The following TP63 variants were observed in gnomAD, a reference collection of about 807,000 sequenced individuals.
The protein encoded by TP63 is tumor protein 63.
In TP63, 17 loss-of-function variants were observed where a neutral mutation model predicts 82.8. The ratio of observed to expected loss-of-function variants is 0.21; its 90% CI spans 0.14 to 0.31. The LOEUF is 0.31. Ranked by LOEUF, TP63 falls within the 10% of genes least tolerant of loss-of-function variation. The pLI, the probability that TP63 is intolerant of heterozygous loss-of-function variation, is 1.00. For synonymous variants in TP63, 330 were observed against 321.7 expected, an observed-to-expected ratio of 1.03 and a Z score of -0.28; for missense variants, 648 against 895.3, an observed-to-expected ratio of 0.72 and a Z score of 3.52.
intron 1 of TP63, among the ~76,000 whole-genome samples, chr3:189,677,591 C>A (rs1715554302): frequency 6.6e-6 from 1 of 151,500 alleles, no homozygotes; most frequent in South Asian, 2.1e-4. Flanking sequence ...ATAATGATTT[C>A]TTTTCCTTTG....
intron 10 of TP63, among the ~76,000 whole-genome samples, chr3:189,878,750 T>C (rs1719560792): frequency 6.9e-6 from 1 of 145,014 alleles, no homozygotes; most frequent in African/African-American, 2.6e-5. Context: ...TTGAATTTCA[T>C]AGTTATGAAG....
At chr3:189,844,328 C>T (rs557160492) in intron 4 of TP63, 25 of 407,330 alleles carry the variant, frequency 6.1e-5, no homozygotes, top group African/African-American at 2.3e-4. Context: ...CGCGCCACCA[C>T]GCCCAGCTAA....
chr3:189,720,445 T>G (rs143930097), intron 1 of TP63, among the ~76,000 whole-genome samples: 22 of 152,256 alleles, frequency 1.4e-4, no homozygotes, highest in African/African-American at 5.3e-4. Flanking sequence ...TCCAATAACT[T>G]TAGATAGTGC....
intron 4 of TP63, among the ~76,000 whole-genome samples, chr3:189,859,247 T>A (rs900008977): frequency 3.9e-5 from 6 of 152,186 alleles, no homozygotes; most frequent in Non-Finnish European, 7.4e-5. Flanking sequence ...TATGTACAAT[T>A]CTTTTGTATC....
intron 13 of TP63, 50 bp from the exon 14 acceptor site, chr3:189,894,156 C>A (rs751876559): frequency 6.2e-7 from 1 of 1,610,190 alleles, no homozygotes; most frequent in Non-Finnish European, 8.5e-7. Context: ...ACTAAATGTC[C>A]GTTTTTCTCC....
intron 1 of TP63, among the ~76,000 whole-genome samples, chr3:189,716,954 G>A (rs572341339): frequency 2.0e-5 from 3 of 151,932 alleles, no homozygotes; most frequent in East Asian, 3.9e-4. Flanking sequence ...GATTGCCACC[G>A]CACCCAGCTA....
chr3:189,783,155 G>A (rs540738052), intron 3 of TP63, among the ~76,000 whole-genome samples: 6 of 151,920 alleles, frequency 3.9e-5, no homozygotes, highest in African/African-American at 9.6e-5. Flanking sequence ...TAACTATGTA[G>A]CAGTTTAATT....
intron 3 of TP63, among the ~76,000 whole-genome samples, chr3:189,784,743 A>G (rs1560181231): frequency 2.0e-5 from 3 of 152,066 alleles, no homozygotes; most frequent in Admixed American, 1.3e-4. Context: ...TGGTCACCCT[A>G]AAATGGGTGA....
At chr3:189,739,512 C>T (rs542159287) in intron 3 of TP63, among the ~76,000 whole-genome samples, 1 of 152,286 alleles carries the variant, frequency 6.6e-6, no homozygotes, top group East Asian at 1.9e-4. Flanking sequence ...AATTTATGCA[C>T]ATGAATTCTA....
At chr3:189,671,866 C>G (rs113806537) in intron 1 of TP63, among the ~76,000 whole-genome samples, 30 of 152,018 alleles carry the variant, frequency 2.0e-4, no homozygotes, top group African/African-American at 7.0e-4. Flanking sequence ...GTGAGTAGAA[C>G]TGTGGTTATC....
At chr3:189,870,646 T>A (rs1477674594) in intron 9 of TP63, among the ~76,000 whole-genome samples, 2 of 152,224 alleles carry the variant, frequency 1.3e-5, no homozygotes, top group Non-Finnish European at 2.9e-5. Context: ...CATTAATTCC[T>A]ACAAGGGACA....
chr3:189,624,666 A>G, the TP63 span, among the ~76,000 whole-genome samples: 1 of 152,198 alleles, frequency 6.6e-6, no homozygotes, highest in African/African-American at 2.4e-5. Context: ...TATGTGGTGC[A>G]TTTATAATTG....
Position 189,889,218 on chromosome 3 carries a change from G to A in TP63, c.1508-122G>A, listed in dbSNP as rs570126946. The A allele has an allele frequency of 2.1e-6, 3 of 1,423,412 alleles. No homozygotes were observed. In the African/African-American group the frequency reaches 4.2e-5, roughly 20 times the overall value. 88.2% of individuals were successfully genotyped at this position (1,423,412 alleles called of 1,614,324 possible). A position where few individuals can be genotyped will look rare whatever the true frequency, so the allele number is the denominator to read the frequency against. On this transcript the variant is annotated intron_variant, in intron 11 of 13. Coordinates refer to ENST00000264731, the MANE Select transcript of TP63 (RefSeq NM_003722.5). ...TTTGAAGGGGTGTAGTGAGAGCGAA[G>A]ATTAAAAAGGAAGGCTGGTAGTTTA...
chr3:189,675,723 C>T (rs901799397), intron 1 of TP63, among the ~76,000 whole-genome samples: 7 of 152,114 alleles, frequency 4.6e-5, no homozygotes, highest in Non-Finnish European at 1.0e-4. Context: ...TCACCCACCA[C>T]TGTGCTGGGT....
intron 1 of TP63, among the ~76,000 whole-genome samples, chr3:189,712,703 A>C (rs1272769631): frequency 3.3e-5 from 5 of 152,182 alleles, no homozygotes; most frequent in Non-Finnish European, 7.4e-5. Context: ...TGGGGACACA[A>C]TTATTCAGAT....
At chr3:189,714,351 G>A (rs1354946213) in intron 1 of TP63, among the ~76,000 whole-genome samples, 2 of 152,122 alleles carry the variant, frequency 1.3e-5, no homozygotes, top group East Asian at 1.9e-4. Context: ...TTTAGCAATC[G>A]CTCCAGAAAT....
At chr3:189,716,314 A>C (rs1411134440) in intron 1 of TP63, among the ~76,000 whole-genome samples, 1 of 152,184 alleles carries the variant, frequency 6.6e-6, no homozygotes, top group Non-Finnish European at 1.5e-5. Flanking sequence ...AGGGGATAGC[A>C]TATTTGTTCA....
chr3:189,848,239 T>TTCTCTC (rs59468983), intron 4 of TP63, among the ~76,000 whole-genome samples: 2,499 of 95,948 alleles, frequency 0.026, 202 homozygotes, highest in East Asian at 0.16. Flanking sequence ...CTCCTCCTCC[T>TTCTCTC]TCTCTCTCTC....
chr3:189,853,027 C>T (rs186584760), intron 4 of TP63, among the ~76,000 whole-genome samples: 2 of 152,240 alleles, frequency 1.3e-5, no homozygotes, highest in East Asian at 3.9e-4. Context: ...GTTTAAATAT[C>T]ACTACCTCTA....
Sources: allele counts gnomAD v4.1 joint callset (sites outside exome capture counted in the v4.1 genomes callset), GRCh38; gene constraint gnomAD v4.1.1; transcripts MANE v1.5; gene names NCBI Gene and HGNC (gene_info 2026-07-23, HGNC 2026-07-21).